Variants in ZNF479 observed in about 807,000 individuals in gnomAD.
ZNF479 encodes the protein zinc finger protein 479.
ZNF479 carries 15 observed loss-of-function variants against 14.7 expected under a neutral mutation model. The ratio of observed to expected loss-of-function variants is 1.02; its 90% CI spans 0.68 to 1.57. The LOEUF (loss-of-function observed/expected upper bound fraction) is 1.57. Ranked by LOEUF, ZNF479 falls within the 40% of genes most tolerant of loss-of-function variation. ZNF479 has a pLI of 0.00. For missense variants in ZNF479, 506 were observed against 615.1 expected (o/e 0.82, Z 1.88); for synonymous variants, 145 against 211.5 (o/e 0.69, Z 2.73).
intron 1 of ZNF479, among the ~76,000 whole-genome samples, chr7:57,127,935 A>ATTT (rs1175304686): frequency 2.6e-4 from 19 of 74,294 alleles, no homozygotes; most frequent in African/African-American, 1.0e-3. Flanking sequence ...ATATATATAT[A>ATTT]TATTTTTTTT....
In ZNF479 at chr7:57,118,376, A is replaced by G. The variant is rs1785768909; in HGVS notation, c.*1464T>C. On this transcript the variant is annotated 3_prime_UTR_variant, in exon 4 of 4. Coordinates refer to ENST00000319636, the MANE Select transcript of ZNF479 (RefSeq NM_001370129.2). Reference sequence around the variant, plus strand: ...AGGTCTTTTTACAGTAATCACATTTATAATTTTTTTTTTGAGACAGAGTCT... The same window carrying G: ...AGGTCTTTTTACAGTAATCACATTTGTAATTTTTTTTTTGAGACAGAGTCT... Among the ~76,000 whole-genome samples, 1 of 152,168 alleles carries G rather than the reference A, an allele frequency of 6.6e-6. No individual in the cohort carries two copies. The highest frequency in any genetic ancestry group is 2.1e-4 in the South Asian group (1 of 4,828).
upstream of ZNF479, among the ~76,000 whole-genome samples, chr7:57,137,389 T>C (rs1428594811): frequency 6.6e-6 from 1 of 152,198 alleles, no homozygotes; most frequent in East Asian, 1.9e-4. Flanking sequence ...GGTCTTGAAC[T>C]CCTGACCTCA....
chr7:57,125,381 T>C (rs1442234569), intron 3 of ZNF479, among the ~76,000 whole-genome samples: 9 of 151,832 alleles, frequency 5.9e-5, no homozygotes, highest in African/African-American at 1.9e-4. Flanking sequence ...TATTATATAA[T>C]ACAGCAATAC....
intron 3 of ZNF479, among the ~76,000 whole-genome samples, chr7:57,121,818 C>T (rs1458322765): frequency 2.6e-5 from 4 of 151,818 alleles, no homozygotes; most frequent in Non-Finnish European, 4.4e-5. Context: ...TCAAAAAAAT[C>T]AAAAATTTTG....
intron 1 of ZNF479, among the ~76,000 whole-genome samples, chr7:57,138,343 AAG>A (rs1359874341): frequency 2.0e-5 from 3 of 152,240 alleles, no homozygotes; most frequent in East Asian, 1.9e-4. Flanking sequence ...GAGTGATAAA[AAG>A]AGTGTTAAAA....
upstream of ZNF479, among the ~76,000 whole-genome samples, chr7:57,135,502 TC>T (rs1201674969): frequency 3.3e-5 from 5 of 152,262 alleles, no homozygotes; most frequent in East Asian, 9.7e-4. Flanking sequence ...AACCTCCACC[TC>T]CCAGGTTCAA....
At chr7:57,125,147 A>G (rs1786103099) in intron 3 of ZNF479, among the ~76,000 whole-genome samples, 1 of 152,254 alleles carries the variant, frequency 6.6e-6, no homozygotes, top group Non-Finnish European at 1.5e-5. Flanking sequence ...AAGCATTTGA[A>G]AGGTTGCACA....
Position 57,120,845 on chromosome 7 carries a change from A to G in ZNF479, c.570T>C (p.Tyr190=), listed in dbSNP as rs781904582. Reference sequence around the variant, plus strand: ...GTGAAAGCATGCAAAATGATTTGCCATATTTGTTACATTTGAAATGTTTAT... The same window carrying G: ...GTGAAAGCATGCAAAATGATTTGCCGTATTTGTTACATTTGAAATGTTTAT... The part of the protein sequence containing the change: ...TGNKHFKCNK[Y]GKSFCMLSHL... The change falls in exon 4 of 4, where the codon TAT becomes TAC. Residue 190 remains tyrosine, a synonymous_variant. Transcript: ENST00000319636. 7 of 1,613,726 alleles carry G rather than the reference A, an allele frequency of 4.3e-6. No homozygotes were observed. Among genetic ancestry groups the G allele is most frequent in the Non-Finnish European group, 5.9e-6 (7 of 1,179,898 alleles).
At chr7:57,123,291 G>C (rs555664712) in intron 3 of ZNF479, among the ~76,000 whole-genome samples, 21 of 152,276 alleles carry the variant, frequency 1.4e-4, no homozygotes, top group Admixed American at 1.1e-3. Context: ...TTAGTAGAGT[G>C]AGAACTCTAT....
chr7:57,122,323 A>C (rs1232914989), intron 3 of ZNF479, among the ~76,000 whole-genome samples: 3 of 138,384 alleles, frequency 2.2e-5, no homozygotes, highest in Non-Finnish European at 4.9e-5. Flanking sequence ...AGAAAAATAA[A>C]ACTCTTCCAG....
chr7:57,133,095 T>C (rs1319317076), upstream of ZNF479, among the ~76,000 whole-genome samples: 1 of 151,950 alleles, frequency 6.6e-6, no homozygotes, highest in East Asian at 1.9e-4. Context: ...GATGGCGCCA[T>C]TGCACTCCAG....
At chr7:57,122,717 A>G (rs1218271895) in intron 3 of ZNF479, among the ~76,000 whole-genome samples, 1 of 152,190 alleles carries the variant, frequency 6.6e-6, no homozygotes, top group African/African-American at 2.4e-5. Context: ...TCTCCAATGT[A>G]GCACAAAGAA....
At position 57,132,413 on chromosome 7, in the gene ZNF479, C is replaced by T; in HGVS notation, c.-89G>A. 1 of 1,598,814 alleles carries T rather than the reference C, an allele frequency of 6.3e-7. No homozygotes were observed. The highest frequency in any genetic ancestry group is 8.6e-7 in the Non-Finnish European group (1 of 1,167,162). ...AGAGCAGTGAAGAGGAGAACTGCAGCTCTGGACGCAGAGAAACACAAAGGA... is the reference window on the plus strand; with the variant it reads ...AGAGCAGTGAAGAGGAGAACTGCAGTTCTGGACGCAGAGAAACACAAAGGA... On this transcript the variant is annotated 5_prime_UTR_variant, in exon 1 of 4. Transcript: ENST00000319636.
intron 1 of ZNF479, among the ~76,000 whole-genome samples, chr7:57,130,259 G>A (rs982221836): frequency 3.9e-5 from 6 of 152,234 alleles, no homozygotes; most frequent in Admixed American, 2.0e-4. Flanking sequence ...AAGATCACGA[G>A]TTCAGGGGTT....
intron 1 of ZNF479, among the ~76,000 whole-genome samples, chr7:57,137,856 G>T (rs534472934): frequency 2.0e-5 from 3 of 152,148 alleles, no homozygotes; most frequent in Non-Finnish European, 4.4e-5. Flanking sequence ...GGGCCAGTCC[G>T]CAGGGGTTAC....
upstream of ZNF479, among the ~76,000 whole-genome samples, chr7:57,133,473 G>C (rs765599875): frequency 6.6e-6 from 1 of 152,084 alleles, no homozygotes; most frequent in African/African-American, 2.4e-5. Flanking sequence ...TAATACATGC[G>C]GGCAGCCTGA....
chr7:57,120,633 C>T lies in ZNF479; in HGVS notation c.782G>A (p.Arg261Lys), dbSNP rs186421110. 2.9e-4 allele frequency: 464 copies of T among 1,613,924 alleles called. 2 individuals carry two copies. The African/African-American group carries it at 5.6e-3, about 20-fold the overall frequency. Residue 261 changes from arginine to lysine, a missense_variant, in exon 4 of 4, where the codon AGA (arginine) becomes AAA (lysine). Arg to Lys is a conservative substitution (Grantham distance 26). Coordinates refer to ENST00000319636, the MANE Select transcript of ZNF479 (RefSeq NM_001370129.2). ...GTAGGGTTTCTCTCCAGTATGAGTT[C>T]TCTTATGTCTAGTAAGGTTTGCAGA... ...SWSANLTRHK[R>K]THTGEKPYTC...
intron 1 of ZNF479, among the ~76,000 whole-genome samples, chr7:57,127,007 C>A (rs1433663657): frequency 6.8e-6 from 1 of 146,516 alleles, no homozygotes; most frequent in African/African-American, 2.5e-5. Flanking sequence ...TTTTTCTTTT[C>A]TGTTTTTCTT....
intron 1 of ZNF479, among the ~76,000 whole-genome samples, chr7:57,139,171 A>G (rs1054522653): frequency 4.6e-5 from 7 of 152,220 alleles, no homozygotes; most frequent in African/African-American, 1.7e-4. Context: ...TCATATGCAC[A>G]CCTGGCTAAC....
Sources: allele counts gnomAD v4.1 joint callset (sites outside exome capture counted in the v4.1 genomes callset), GRCh38; gene constraint gnomAD v4.1.1; transcripts MANE v1.5; gene names NCBI Gene and HGNC (gene_info 2026-07-23, HGNC 2026-07-21).